RYR3: variants seen among roughly 807,000 people sequenced by gnomAD.
RYR3 encodes brain ryanodine receptor-calcium release channel.
RYR3 carries 207 observed loss-of-function variants against 584.3 expected under a neutral mutation model. The observed-to-expected ratio is 0.35, with a 90% CI of 0.32 to 0.40. The LOEUF is 0.40. Among genes scored for constraint, RYR3 ranks in the 10% least tolerant of loss-of-function variants. RYR3 has a pLI of 1.00. For missense variants in RYR3, 5,616 were observed against 6,089.2 expected (o/e 0.92, Z 2.59); for synonymous variants, 2,416 against 2,248.5 (o/e 1.07, Z -2.11).
intron 60 of RYR3, among the ~76,000 whole-genome samples, chr15:33,766,297 A>AG (rs2073061107): frequency 6.9e-6 from 1 of 144,406 alleles, no homozygotes; most frequent in African/African-American, 2.9e-5. Context: ...AGAAAAAAAA[A>AG]AAAAGAAAAA....
At chr15:33,782,550 A>T (rs2074449159) in intron 65 of RYR3, among the ~76,000 whole-genome samples, 1 of 151,868 alleles carries the variant, frequency 6.6e-6, no homozygotes, top group Non-Finnish European at 1.5e-5. Flanking sequence ...GCTCTTAAAA[A>T]GTTTATCTAG....
chr15:33,746,716 T>C (rs897026187), intron 53 of RYR3, among the ~76,000 whole-genome samples: 1 of 150,778 alleles, frequency 6.6e-6, no homozygotes, highest in Non-Finnish European at 1.5e-5. Context: ...ATCACGCCAC[T>C]GCACTCCAGC....
chr15:33,483,904 T>A (rs928475636), intron 2 of RYR3, among the ~76,000 whole-genome samples: 1 of 152,190 alleles, frequency 6.6e-6, no homozygotes, highest in Non-Finnish European at 1.5e-5. Flanking sequence ...TCCCCATGGA[T>A]CCTATGAACA....
intron 18 of RYR3, among the ~76,000 whole-genome samples, chr15:33,610,849 C>T (rs2060146056): frequency 6.6e-6 from 1 of 152,070 alleles, no homozygotes; most frequent in Admixed American, 6.5e-5. Context: ...TAATTTTGTG[C>T]ATGAAACAAA....
intron 42 of RYR3, among the ~76,000 whole-genome samples, chr15:33,703,635 G>A (rs1483121898): frequency 7.5e-6 from 1 of 132,900 alleles, no homozygotes; most frequent in Admixed American, 7.0e-5. Flanking sequence ...GGATATTGAG[G>A]GTTAGGGCTT....
At chr15:33,480,599 AG>A (rs1388375850) in intron 2 of RYR3, among the ~76,000 whole-genome samples, 1 of 152,226 alleles carries the variant, frequency 6.6e-6, no homozygotes, top group African/African-American at 2.4e-5. Flanking sequence ...GGAGAGTCAG[AG>A]GGAGTTAGAT....
At chr15:33,608,433 A>G (rs2060011777) in intron 18 of RYR3, among the ~76,000 whole-genome samples, 1 of 152,260 alleles carries the variant, frequency 6.6e-6, no homozygotes, top group South Asian at 2.1e-4. Context: ...GAGGAGATTT[A>G]TAACACACAC....
At chr15:33,776,423 A>G (rs1014298726) in intron 64 of RYR3, among the ~76,000 whole-genome samples, 6 of 152,258 alleles carry the variant, frequency 3.9e-5, no homozygotes, top group Non-Finnish European at 8.8e-5. Context: ...GATGGGGGTT[A>G]TTCAAGAAAG....
chr15:33,414,960 A>T (rs773653166), intron 1 of RYR3, among the ~76,000 whole-genome samples: 1 of 152,154 alleles, frequency 6.6e-6, no homozygotes, highest in Non-Finnish European at 1.5e-5. Context: ...CTTCTGGGTT[A>T]TATATAGGCA....
At chr15:33,853,831 C>A in intron 96 of RYR3, 149 bp downstream of exon 96, 1 of 976,610 alleles carries the variant, frequency 1.0e-6, no homozygotes, top group Non-Finnish European at 1.5e-6. Flanking sequence ...TGGGAGAGCA[C>A]TGCCTTAAAA....
chr15:33,613,104 G>T (rs777977592), intron 18 of RYR3, 79 bp from the exon 19 acceptor site: 39 of 1,082,846 alleles, frequency 3.6e-5, no homozygotes, highest in Admixed American at 3.0e-4. Context: ...CCCACCTCCC[G>T]CAGAGGCCTC....
chr15:33,625,237 AG>A (rs55947664), intron 20 of RYR3, among the ~76,000 whole-genome samples: 152,274 of 152,278 alleles, frequency 1, 76,135 homozygotes, highest in Middle Eastern at 1. Context: ...GAGGACAGCA[AG>A]GGGGGAAGGC....
chr15:33,684,190 G>T (rs2064830964), intron 38 of RYR3, among the ~76,000 whole-genome samples: 1 of 152,242 alleles, frequency 6.6e-6, no homozygotes, highest in Non-Finnish European at 1.5e-5. Context: ...CCTCAAGTGG[G>T]TCCCTGACCC....
chr15:33,525,365 G>C (rs906378756), intron 3 of RYR3, among the ~76,000 whole-genome samples: 33 of 152,236 alleles, frequency 2.2e-4, no homozygotes, highest in African/African-American at 7.9e-4. Flanking sequence ...CTAAAACCTT[G>C]GTTCTTTTCA....
intron 3 of RYR3, among the ~76,000 whole-genome samples, chr15:33,527,176 C>T (rs1400676741): frequency 6.6e-6 from 1 of 152,072 alleles, no homozygotes; most frequent in African/African-American, 2.4e-5. Context: ...CAAATCCAGA[C>T]TATGGCCTGT....
intron 2 of RYR3, among the ~76,000 whole-genome samples, chr15:33,494,093 A>T (rs944756424): frequency 2.0e-5 from 2 of 98,114 alleles, no homozygotes; most frequent in Non-Finnish European, 3.9e-5. Context: ...AGAAACAGTG[A>T]TTGTGGCTAT....
chr15:33,498,002 A>G (rs1467204724), intron 2 of RYR3, among the ~76,000 whole-genome samples: 2 of 152,192 alleles, frequency 1.3e-5, no homozygotes, highest in African/African-American at 4.8e-5. Context: ...ACTTAACATA[A>G]TGTCCTCCAG....
intron 1 of RYR3, among the ~76,000 whole-genome samples, chr15:33,355,176 C>G (rs1393765568): frequency 8.4e-6 from 1 of 119,710 alleles, no homozygotes; most frequent in East Asian, 2.6e-4. Context: ...AAGAGTGAAA[C>G]TCCCTCAAAA....
chr15:33,662,449 T>C lies in RYR3; in HGVS notation c.4919T>C (p.Ile1640Thr), dbSNP rs2063221630. ...CCCATTACCAGCACCACCAGGAATA[T>C]CCGCCTCTTCCCGGACGAGTCCAAG... ...IIPITSTTRN[I>T]RLFPDESKRH... is the part of the protein sequence containing the mutation. Residue 1640 changes from isoleucine to threonine, a missense_variant, in exon 35 of 104, where the codon ATC (isoleucine) becomes ACC (threonine). This residue lies in a region of RYR3 where 753 missense variants were observed against 741.0 expected (regional missense o/e 1.02). Coordinates refer to ENST00000634891, the MANE Select transcript of RYR3 (RefSeq NM_001036.6). The C allele has an allele frequency of 1.2e-6, 2 of 1,613,986 alleles. No individual in the cohort carries two copies. Among genetic ancestry groups the C allele is most frequent in the Non-Finnish European group, 8.5e-7 (1 of 1,179,880 alleles).
Sources: gnomAD v4.1 joint callset for allele counts (sites outside exome capture counted in the v4.1 genomes callset) on GRCh38, gnomAD v4.1.1 for gene constraint, gnomAD v4.1.1 regional missense constraint, MANE v1.5 for transcripts, NCBI Gene and HGNC (gene_info 2026-07-23, HGNC 2026-07-21) for gene names.